The following PDE1C variants were observed in gnomAD, a reference collection of about 807,000 sequenced individuals.
PDE1C encodes phosphodiesterase 1C, also known as dual specificity calcium/calmodulin-dependent 3',5'-cyclic nucleotide phosphodiesterase 1C.
In PDE1C, 62 loss-of-function variants were observed where a neutral mutation model predicts 93.1. The observed-to-expected ratio is 0.67, with a 90% CI of 0.54 to 0.82. PDE1C has a LOEUF of 0.82. Ranked by LOEUF, PDE1C falls within the 40% of genes least tolerant of loss-of-function variation. The pLI is 0.00. For missense variants in PDE1C, 742 were observed against 884.6 expected (o/e 0.84, Z 2.04); for synonymous variants, 325 against 310.1 (o/e 1.05, Z -0.50).
upstream of PDE1C, chr7:32,071,006 C>G: frequency 2.0e-6 from 2 of 985,354 alleles, no homozygotes; most frequent in Non-Finnish European, 2.4e-6. Flanking sequence ...AGCGAGAAAA[C>G]TGACAAGTGA....
chr7:32,335,730 TTGTTTTTG>T (rs964270543), intron 1 of PDE1C, among the ~76,000 whole-genome samples: 46 of 152,108 alleles, frequency 3.0e-4, no homozygotes, highest in African/African-American at 1.1e-3. Context: ...GTTTGTTTGT[TTGTTTTTG>T]TTTGTTTTGA....
intron 3 of PDE1C, among the ~76,000 whole-genome samples, chr7:32,085,498 T>C (rs962964307): frequency 6.7e-6 from 1 of 149,610 alleles, no homozygotes; most frequent in African/African-American, 2.5e-5. Context: ...CCCTAACTCA[T>C]TTTCTGAGGC....
At chr7:32,335,121 T>C (rs1783594605) in intron 1 of PDE1C, among the ~76,000 whole-genome samples, 1 of 152,208 alleles carries the variant, frequency 6.6e-6, no homozygotes. Context: ...AGTGATTATA[T>C]GGACATATTC....
intron 2 of PDE1C, among the ~76,000 whole-genome samples, chr7:31,899,976 G>C (rs1316752389): frequency 6.7e-6 from 1 of 149,090 alleles, no homozygotes; most frequent in East Asian, 1.9e-4. Flanking sequence ...CAATACACAG[G>C]ACAGCCCCAC....
At chr7:31,643,046 C>T in the PDE1C span, 1 of 1,614,050 alleles carries the variant, frequency 6.2e-7, no homozygotes, top group South Asian at 1.1e-5. Context: ...CCCACAGCCA[C>T]TTCCAAATAT....
chr7:31,943,340 G>A (rs1188770726), intron 2 of PDE1C, among the ~76,000 whole-genome samples: 2 of 152,134 alleles, frequency 1.3e-5, no homozygotes, highest in Non-Finnish European at 2.9e-5. Flanking sequence ...CCCTTGTCCT[G>A]CAGTCACTGC....
intron 1 of PDE1C, among the ~76,000 whole-genome samples, chr7:32,376,135 T>C (rs1784428246): frequency 6.6e-6 from 1 of 151,948 alleles, no homozygotes; most frequent in Non-Finnish European, 1.5e-5. Flanking sequence ...CCTGCCTGCC[T>C]GGGTGACAGC....
chr7:32,189,906 G>A (rs1019104848), intron 2 of PDE1C, among the ~76,000 whole-genome samples: 11 of 152,162 alleles, frequency 7.2e-5, no homozygotes, highest in African/African-American at 2.7e-4. Flanking sequence ...CACCCAGAAT[G>A]TCCTTTCAAG....
At chr7:31,699,075 T>A in the PDE1C span, among the ~76,000 whole-genome samples, 1 of 152,192 alleles carries the variant, frequency 6.6e-6, no homozygotes, top group Non-Finnish European at 1.5e-5. Context: ...GTGGGAGAGA[T>A]AATTAAATAT....
the PDE1C span, chr7:31,655,945 C>G: frequency 1.0e-6 from 1 of 985,346 alleles, no homozygotes; most frequent in Non-Finnish European, 1.2e-6. Flanking sequence ...TCCTGCTCAT[C>G]CCTCAGATGA....
At chr7:31,686,493 C>T in the PDE1C span, among the ~76,000 whole-genome samples, 1 of 152,162 alleles carries the variant, frequency 6.6e-6, no homozygotes, top group Non-Finnish European at 1.5e-5. Context: ...TTGGGGGCTG[C>T]TTTCTTTGCT....
At chr7:32,405,246 CTTTTTTCTTTTTTTT>C (rs1009335358) in intron 1 of PDE1C, among the ~76,000 whole-genome samples, 13 of 88,040 alleles carry the variant, frequency 1.5e-4, no homozygotes, top group African/African-American at 4.1e-4. Context: ...CTTATTTTTT[CTTTTTTCTTTTTTTT>C]TTTTTTTGAG....
intron 11 of PDE1C, 66 bp from the exon 12 acceptor site, chr7:31,828,439 C>G: frequency 8.3e-7 from 1 of 1,208,480 alleles, no homozygotes; most frequent in Admixed American, 1.9e-5. Flanking sequence ...TTTCATTTAG[C>G]AACTTCTGCC....
At chr7:32,297,932 AC>A (rs1812681669) in intron 1 of PDE1C, among the ~76,000 whole-genome samples, 1 of 120,576 alleles carries the variant, frequency 8.3e-6, no homozygotes, top group Non-Finnish European at 1.7e-5. Context: ...CTTTGTTTCA[AC>A]TTTTATAGAA....
At chr7:31,991,216 A>G (rs1784101341) in intron 2 of PDE1C, among the ~76,000 whole-genome samples, 1 of 152,224 alleles carries the variant, frequency 6.6e-6, no homozygotes. Context: ...AATAGTGCCT[A>G]CATTCTCAGG....
intron 3 of PDE1C, among the ~76,000 whole-genome samples, chr7:32,105,853 A>T (rs1043464390): frequency 6.6e-6 from 1 of 151,828 alleles, no homozygotes; most frequent in Non-Finnish European, 1.5e-5. Context: ...AGCAATTTAG[A>T]CCAGTCCAAG....
intron 1 of PDE1C, among the ~76,000 whole-genome samples, chr7:32,371,865 G>A (rs1443753734): frequency 6.6e-6 from 1 of 152,094 alleles, no homozygotes; most frequent in African/African-American, 2.4e-5. Context: ...CAAGGCAGGG[G>A]ATTCAGAATA....
At chr7:32,347,463 ATAATTCCCTCCCCTTCAGTG>A (rs1783876229) in intron 1 of PDE1C, among the ~76,000 whole-genome samples, 1 of 148,358 alleles carries the variant, frequency 6.7e-6, no homozygotes, top group Admixed American at 6.7e-5. Flanking sequence ...CATGCCCTGT[ATAATTCCCTCCCCTTCAGTG>A]TGAGTAGAAT....
At chr7:32,197,859 A>T (rs771937779) in intron 2 of PDE1C, among the ~76,000 whole-genome samples, 1 of 152,230 alleles carries the variant, frequency 6.6e-6, no homozygotes, top group Non-Finnish European at 1.5e-5. Flanking sequence ...GACAAAAATT[A>T]TCTGAAATTA....
Sources: allele counts gnomAD v4.1 joint callset (sites outside exome capture counted in the v4.1 genomes callset), GRCh38; gene constraint gnomAD v4.1.1; transcripts MANE v1.5; gene names NCBI Gene and HGNC (gene_info 2026-07-23, HGNC 2026-07-21).